Variants in CCNT2 observed in about 807,000 individuals in gnomAD.
CCNT2 encodes cyclin-T2.
CCNT2 carries 18 observed loss-of-function variants against 70.0 expected under a neutral mutation model. The observed-to-expected ratio is 0.26, with a 90% CI of 0.18 to 0.38. The LOEUF (loss-of-function observed/expected upper bound fraction) is 0.38. Among genes scored for constraint, CCNT2 ranks in the 10% least tolerant of loss-of-function variants. The pLI is 1.00. For synonymous variants in CCNT2, 334 were observed against 313.3 expected (o/e 1.07, Z -0.70); for missense variants, 734 against 890.2 (o/e 0.82, Z 2.23).
At position 134,944,083 on chromosome 2, in the gene CCNT2, G is replaced by A. The variant is rs1040757703; in HGVS notation, c.493+1409G>A. On this transcript the variant is annotated intron_variant, in intron 5 of 8. Coordinates refer to ENST00000264157, the MANE Select transcript of CCNT2 (RefSeq NM_058241.3). ...AAAATCTAATTTGTATTTTTTTGTA[G>A]TAGCACACGTTATCATTTGTAAGCT... The A allele has an allele frequency of 3.0e-6, 3 of 984,400 alleles. No individual in the cohort carries two copies. In the Admixed American group the frequency reaches 1.8e-4, roughly 61 times the overall value. The allele number at this position is 984,400 out of a possible 1,614,324, so 61.0% of individuals were successfully genotyped here.
chr2:134,953,520 A>C lies in CCNT2; in HGVS notation c.1065A>C (p.Gln355His), dbSNP rs1480093800. The change falls in exon 9 of 9, where the codon CAA becomes CAC. Residue 355 changes from glutamine to histidine, a missense_variant. Coordinates refer to ENST00000264157, the MANE Select transcript of CCNT2 (RefSeq NM_058241.3). ...LSSHQEWPQH[Q>H]DSARTEQLYS... ...CACACCAGGAATGGCCTCAACATCA[A>C]GACTCAGCAAGGACAGAACAGCTAT... The C allele has an allele frequency of 1.2e-6, 2 of 1,614,226 alleles. No homozygotes were observed. Among genetic ancestry groups the C allele is most frequent in the Admixed American group, 3.3e-5 (2 of 60,026 alleles).
chr2:134,927,447 A>C (rs1426522542), intron 2 of CCNT2, among the ~76,000 whole-genome samples: 1 of 152,152 alleles, frequency 6.6e-6, no homozygotes, highest in Non-Finnish European at 1.5e-5. Flanking sequence ...ATCGCATGGC[A>C]GGAGTGCAAG....
At chr2:134,919,976 G>A in intron 2 of CCNT2, 85 bp downstream of exon 2, 1 of 864,022 alleles carries the variant, frequency 1.2e-6, no homozygotes, top group South Asian at 1.4e-5. Context: ...TGCGTTGTTG[G>A]ATTTAGTGTT....
intron 2 of CCNT2, among the ~76,000 whole-genome samples, chr2:134,924,564 C>G (rs1680141076): frequency 1.3e-5 from 2 of 152,162 alleles, no homozygotes; most frequent in South Asian, 4.1e-4. Flanking sequence ...AATCTCCTGC[C>G]TTAGCCTCCT....
chr2:134,919,059 G>A, intron 1 of CCNT2, 47 bp downstream of exon 1: 3 of 1,537,914 alleles, frequency 2.0e-6, no homozygotes, highest in South Asian at 1.2e-5. Context: ...TCCCTTGCCC[G>A]GTCGCCGGGC....
At chr2:134,920,119 A>G (rs1679780048) in intron 2 of CCNT2, 1 of 409,116 alleles carries the variant, frequency 2.4e-6, no homozygotes, top group South Asian at 3.2e-5. Flanking sequence ...AAGCTAAAAA[A>G]GAAAAACATT....
intron 3 of CCNT2, 59 bp from the exon 4 acceptor site, chr2:134,938,943 A>G (rs1204615705): frequency 1.9e-6 from 2 of 1,059,258 alleles, no homozygotes; most frequent in African/African-American, 1.6e-5. Flanking sequence ...TGTAACAGTC[A>G]TGCAGTCTAG....
At chr2:134,946,994 G>A (rs1412543526) in intron 6 of CCNT2, among the ~76,000 whole-genome samples, 1 of 151,962 alleles carries the variant, frequency 6.6e-6, no homozygotes, top group African/African-American at 2.4e-5. Flanking sequence ...ATCTGTTGTT[G>A]GTATTTAACC....
At chr2:134,925,543 T>G (rs1483184479) in intron 2 of CCNT2, among the ~76,000 whole-genome samples, 1 of 152,214 alleles carries the variant, frequency 6.6e-6, no homozygotes, top group East Asian at 1.9e-4. Context: ...GTGACTGACT[T>G]CTTTCACTTA....
At chr2:134,944,153 C>T (rs1456124022) in intron 5 of CCNT2, 21 of 983,424 alleles carry the variant, frequency 2.1e-5, no homozygotes, top group South Asian at 1.4e-4. Context: ...GTTATATCAG[C>T]GTGTTTTATA....
chr2:134,952,948 A>G, intron 8 of CCNT2: 1 of 484,064 alleles, frequency 2.1e-6, no homozygotes, highest in South Asian at 4.0e-5. Context: ...TCTTCATTTT[A>G]CAAATGGGGA....
At chr2:134,919,655 G>GC (rs1312935222) in intron 1 of CCNT2, among the ~76,000 whole-genome samples, 155 bp from the exon 2 acceptor site, 2 of 152,140 alleles carry the variant, frequency 1.3e-5, no homozygotes, top group South Asian at 2.1e-4. Flanking sequence ...TCTTCCTGCC[G>GC]CCCCACCCCC....
chr2:134,947,650 G>T (rs1184144825), intron 6 of CCNT2, 86 bp from the exon 7 acceptor site: 6 of 926,384 alleles, frequency 6.5e-6, no homozygotes, highest in South Asian at 3.5e-5. Flanking sequence ...TTTAAATTTT[G>T]CTCTAATCTT....
chr2:134,935,613 T>A (rs1264525195), intron 2 of CCNT2, among the ~76,000 whole-genome samples: 1 of 152,208 alleles, frequency 6.6e-6, no homozygotes, highest in Non-Finnish European at 1.5e-5. Flanking sequence ...GAAATTGTCT[T>A]CCCATGGGAA....
intron 2 of CCNT2, among the ~76,000 whole-genome samples, chr2:134,930,683 C>A (rs1366544927): frequency 6.6e-6 from 1 of 151,664 alleles, no homozygotes; most frequent in Non-Finnish European, 1.5e-5. Flanking sequence ...CTTTTCTCGT[C>A]TTTTTTTTAT....
chr2:134,954,229 G>A lies in CCNT2; in HGVS notation c.1774G>A (p.Asp592Asn), dbSNP rs751027006. The A allele has an allele frequency of 1.4e-5, 23 of 1,613,972 alleles. No individual in the cohort carries two copies. Among genetic ancestry groups the A allele is most frequent in the Admixed American group, 1.7e-5 (1 of 59,994 alleles). The change falls in exon 9 of 9, where the codon GAC (aspartate) becomes AAC (asparagine). Residue 592 changes from aspartate (D) to asparagine (N), a missense_variant. Physicochemically the swap from Asp to Asn is conservative, Grantham distance 23 (BLOSUM62 1). Around this residue, in one of 3 missense-constraint regions of CCNT2, gnomAD observed 532 missense variants for 556.9 expected, o/e 0.96. Transcript: ENST00000264157. The stretch of plus-strand genomic sequence containing the variant: ...CAGCGGTGGCAGTAAACACAGTGCC[G>A]ACGGAATACCACCCACTGTTCTGAG... ...SSSGGSKHSA[D>N]GIPPTVLRSP...
rs558548871 is a variant in CCNT2 at position 134,930,365 on chromosome 2, CTT to C, written c.241-6472_241-6471del. On this transcript the variant is annotated intron_variant, in intron 2 of 8. Coordinates refer to ENST00000264157, the MANE Select transcript of CCNT2 (RefSeq NM_058241.3). ...TTCTATTCGTCATGTGGCTGTACCT[CTT>C]TTTATTTATCCATTTATCAGCTGAT... 1.0e-3 allele frequency among the ~76,000 whole-genome samples: 157 copies of C among 152,306 alleles called. 1 individual carries two copies. The highest frequency in any genetic ancestry group is 1.3e-3 in the Non-Finnish European group (90 of 68,016).
rs936231783 is a variant in CCNT2 at position 134,957,626 on chromosome 2, C to G, written c.*2978C>G. ...TGTTCACTGAAACATTCTTAGAGGC[C>G]TACTTAACGGGCGGCAGTATCCGGT... On this transcript the variant is annotated 3_prime_UTR_variant, in exon 9 of 9. Transcript: ENST00000264157. 3.3e-5 allele frequency: 5 copies of G among 152,084 alleles called. No individual in the cohort carries two copies. Among genetic ancestry groups the G allele is most frequent in the Non-Finnish European group, 7.4e-5 (5 of 68,012 alleles). The allele number at this position is 152,084 out of a possible 1,614,324, so 9.4% of individuals were successfully genotyped here. A position where few individuals can be genotyped will look rare whatever the true frequency, so the allele number is the denominator to read the frequency against.
At position 134,921,207 on chromosome 2, in the gene CCNT2, C is replaced by G. The variant is rs190582268; in HGVS notation, c.240+1316C>G. On this transcript the variant is annotated intron_variant, in intron 2 of 8. Transcript: ENST00000264157. ...ATAAATTTGGCATTCCTTACGTAAC[C>G]CTGGATAATAATGGTAGAAATTACA... 9.9e-5 allele frequency among the ~76,000 whole-genome samples: 15 copies of G among 152,132 alleles called. No individual in the cohort carries two copies. The East Asian group carries it at 2.5e-3, about 25-fold the overall frequency.
Sources: allele counts gnomAD v4.1 joint callset (sites outside exome capture counted in the v4.1 genomes callset), GRCh38; gene constraint gnomAD v4.1.1; regional missense constraint gnomAD v4.1.1; transcripts MANE v1.5; gene names NCBI Gene and HGNC (gene_info 2026-07-23, HGNC 2026-07-21).